The following NXPE2 variants were observed in gnomAD, a reference collection of about 807,000 sequenced individuals.
NXPE2 encodes NXPE family member 2.
Under a neutral mutation model 34.4 loss-of-function variants are expected in NXPE2, and 34 were observed. That is an observed-to-expected ratio of 0.99 (90% CI 0.75 to 1.31). The LOEUF (loss-of-function observed/expected upper bound fraction) is 1.31, where lower values mean the gene tolerates loss of function less well. Among genes scored for constraint, NXPE2 ranks in the 40% most tolerant of loss-of-function variants. The probability of loss-of-function intolerance (pLI) is 0.00; values close to 1 mark genes in which losing one functional copy is unlikely to be tolerated. For missense variants in NXPE2, 649 were observed against 672.5 expected (o/e 0.97, Z 0.39); for synonymous variants, 235 against 231.3 (o/e 1.02, Z -0.15).
chr11:114,580,638 A>G, the NXPE2 span, among the ~76,000 whole-genome samples: 25 of 152,334 alleles, frequency 1.6e-4, no homozygotes, highest in African/African-American at 6.0e-4. Context: ...CTATGAAACT[A>G]AAGTCATCAA....
At chr11:114,619,752 T>G in the NXPE2 span, among the ~76,000 whole-genome samples, 4 of 151,420 alleles carry the variant, frequency 2.6e-5, no homozygotes, top group African/African-American at 7.3e-5. Context: ...GTATTGCCTC[T>G]TGGGTAACCA....
At chr11:114,601,111 A>C in the NXPE2 span, among the ~76,000 whole-genome samples, 9 of 151,888 alleles carry the variant, frequency 5.9e-5, no homozygotes, top group African/African-American at 1.4e-4. Flanking sequence ...TATTTAAATA[A>C]CTTTAGGGGC....
the NXPE2 span, among the ~76,000 whole-genome samples, chr11:114,512,161 A>C: frequency 6.6e-6 from 1 of 152,288 alleles, no homozygotes; most frequent in African/African-American, 2.4e-5. Flanking sequence ...TGTATGTATA[A>C]GTTCAATAAA....
At chr11:114,750,992 G>A in the NXPE2 span, among the ~76,000 whole-genome samples, 2 of 151,836 alleles carry the variant, frequency 1.3e-5, no homozygotes, top group Non-Finnish European at 2.9e-5. Flanking sequence ...GGGGGTGGGG[G>A]GTGTGGAGTG....
the NXPE2 span, chr11:114,571,591 A>T: frequency 5.1e-6 from 5 of 984,730 alleles, no homozygotes; most frequent in Non-Finnish European, 7.5e-6. Flanking sequence ...TGTCTAATTT[A>T]TTATAGGTTT....
At chr11:114,634,940 G>A in the NXPE2 span, among the ~76,000 whole-genome samples, 1 of 151,930 alleles carries the variant, frequency 6.6e-6, no homozygotes, top group Admixed American at 6.6e-5. Flanking sequence ...TGAACTTGGT[G>A]ATGAGGGCCC....
chr11:114,733,104 GTTT>G, the NXPE2 span, among the ~76,000 whole-genome samples: 1 of 151,772 alleles, frequency 6.6e-6, no homozygotes, highest in African/African-American at 2.4e-5. Flanking sequence ...TTGTTTGTTT[GTTT>G]GTTTGTTTTG....
chr11:114,744,142 G>T, the NXPE2 span, among the ~76,000 whole-genome samples: 1 of 151,990 alleles, frequency 6.6e-6, no homozygotes, highest in African/African-American at 2.4e-5. Context: ...TGTGAATGTG[G>T]TCTTTGGTAT....
At chr11:114,742,620 A>ATTTTTTT in the NXPE2 span, among the ~76,000 whole-genome samples, 4 of 133,698 alleles carry the variant, frequency 3.0e-5, no homozygotes, top group South Asian at 2.4e-4. Context: ...TTATTCTTGG[A>ATTTTTTT]TTTTTTTTTT....
chr11:114,608,971 G>A, the NXPE2 span, among the ~76,000 whole-genome samples: 1 of 151,894 alleles, frequency 6.6e-6, no homozygotes, highest in Non-Finnish European at 1.5e-5. Flanking sequence ...AATAAGTGTT[G>A]CCTCGTGGGT....
chr11:114,799,984 CTCTT>C, the NXPE2 span, among the ~76,000 whole-genome samples: 81,850 of 151,394 alleles, frequency 0.54, 23,037 homozygotes, highest in Non-Finnish European at 0.62. Context: ...CTCCCTCTCC[CTCTT>C]TCTTTCTAGG....
chr11:114,617,421 C>A, the NXPE2 span, among the ~76,000 whole-genome samples: 1 of 151,732 alleles, frequency 6.6e-6, no homozygotes, highest in South Asian at 2.1e-4. Flanking sequence ...ACCACTGTTA[C>A]CGGGTGGATA....
the NXPE2 span, among the ~76,000 whole-genome samples, chr11:114,772,895 T>C: frequency 6.6e-6 from 1 of 152,190 alleles, no homozygotes; most frequent in Non-Finnish European, 1.5e-5. Context: ...CAGAGCATTA[T>C]TGAACCAGAC....
the NXPE2 span, chr11:114,571,458 T>A: frequency 1.9e-6 from 3 of 1,606,964 alleles, no homozygotes; most frequent in South Asian, 3.3e-5. Context: ...TTCATGCAGA[T>A]CCACTGACTT....
the NXPE2 span, among the ~76,000 whole-genome samples, chr11:114,617,695 C>G: frequency 4.6e-5 from 7 of 152,252 alleles, no homozygotes; most frequent in East Asian, 1.4e-3. Context: ...AAAGTACTGC[C>G]TCGTGGGTAA....
At chr11:114,633,098 T>C in the NXPE2 span, among the ~76,000 whole-genome samples, 1 of 121,762 alleles carries the variant, frequency 8.2e-6, no homozygotes, top group Non-Finnish European at 1.6e-5. Context: ...ATGTATTTTA[T>C]ATATTTTACA....
intron 4 of NXPE2, among the ~76,000 whole-genome samples, chr11:114,705,127 A>G (rs1054241842): frequency 6.6e-6 from 1 of 152,218 alleles, no homozygotes; most frequent in African/African-American, 2.4e-5. Context: ...GGAAAACTCA[A>G]TAGGAGTCAG....
the NXPE2 span, among the ~76,000 whole-genome samples, chr11:114,758,953 T>C: frequency 1.3e-5 from 2 of 151,994 alleles, no homozygotes; most frequent in African/African-American, 2.4e-5. Context: ...CTGAAGGCTC[T>C]TTCTACCCCC....
the NXPE2 span, among the ~76,000 whole-genome samples, chr11:114,634,588 T>C: frequency 6.6e-6 from 1 of 152,116 alleles, no homozygotes; most frequent in African/African-American, 2.4e-5. Context: ...AGGGTTTTTA[T>C]GGTTTTAGGT....
Sources: allele counts gnomAD v4.1 joint callset (sites outside exome capture counted in the v4.1 genomes callset), GRCh38; gene constraint gnomAD v4.1.1; transcripts MANE v1.5; gene names NCBI Gene and HGNC (gene_info 2026-07-23, HGNC 2026-07-21).